The following KCNK2 variants were observed in gnomAD, a reference collection of about 807,000 sequenced individuals.
KCNK2 encodes potassium channel subfamily K member 2.
KCNK2 carries 21 observed loss-of-function variants against 40.5 expected under a neutral mutation model. The ratio of observed to expected loss-of-function variants is 0.52; its 90% CI spans 0.37 to 0.75. The LOEUF is 0.75. KCNK2 is among the 30% of genes least tolerant of loss of function. The pLI is 0.00. For missense variants in KCNK2, 399 were observed against 531.6 expected, an observed-to-expected ratio of 0.75 and a Z score of 2.45; for synonymous variants, 191 against 202.2, an observed-to-expected ratio of 0.94 and a Z score of 0.47.
chr1:215,192,518 A>G (rs1256234680), intron 5 of KCNK2, among the ~76,000 whole-genome samples: 1 of 152,214 alleles, frequency 6.6e-6, no homozygotes. Flanking sequence ...CATCTTGGTG[A>G]ACTTATGTGT....
chr1:215,227,232 G>A (rs1666420016), intron 6 of KCNK2, among the ~76,000 whole-genome samples: 1 of 152,150 alleles, frequency 6.6e-6, no homozygotes, highest in African/African-American at 2.4e-5. Context: ...AAGTTGTGTT[G>A]AGCAGTAATG....
chr1:215,218,247 C>T (rs1276687524), intron 6 of KCNK2, among the ~76,000 whole-genome samples: 2 of 152,124 alleles, frequency 1.3e-5, no homozygotes, highest in Admixed American at 6.6e-5. Context: ...GGATATTGAC[C>T]TACAGCAAAG....
intron 1 of KCNK2, among the ~76,000 whole-genome samples, chr1:215,020,446 C>G (rs1161087256): frequency 6.6e-6 from 1 of 152,074 alleles, no homozygotes; most frequent in Non-Finnish European, 1.5e-5. Flanking sequence ...TATTTTTTGA[C>G]ACAGGGTCTG....
upstream of KCNK2, chr1:215,081,797 T>G (rs1659165828): frequency 6.6e-6 from 1 of 152,082 alleles, no homozygotes; most frequent in Non-Finnish European, 1.5e-5. Flanking sequence ...TCACGTGTGT[T>G]GTTAGAGAAT....
At chr1:215,202,925 T>TATC (rs1665139437) in intron 6 of KCNK2, among the ~76,000 whole-genome samples, 1 of 152,134 alleles carries the variant, frequency 6.6e-6, no homozygotes, top group African/African-American at 2.4e-5. Context: ...CAATGTTTCT[T>TATC]ATCTGTTGTT....
Position 215,124,435 on chromosome 1 carries a change from A to T in KCNK2, c.358-198A>T, listed in dbSNP as rs372924517. 5.3e-5 allele frequency among the ~76,000 whole-genome samples: 8 copies of T among 152,070 alleles called. No individual in the cohort carries two copies. The South Asian group carries it at 1.7e-3, about 31-fold the overall frequency. On this transcript the variant is annotated intron_variant, in intron 2 of 6. Transcript: ENST00000444842. ...TGCCAATCAATTCACTTGATATCAC[A>T]TGTCAGTTTCTTATAACTTAACTGT...
intron 6 of KCNK2, among the ~76,000 whole-genome samples, chr1:215,208,663 A>T (rs911526426): frequency 6.6e-6 from 1 of 152,142 alleles, no homozygotes; most frequent in African/African-American, 2.4e-5. Context: ...ATATTGCCCT[A>T]AAGCTAGGTA....
chr1:215,230,468 GAT>G lies in KCNK2; in HGVS notation c.964-4350_964-4349del, dbSNP rs373897689. On this transcript the variant is annotated intron_variant, in intron 6 of 6. Transcript: ENST00000444842. ...AAAAATCGTGTAGCTCATGGCTGTA[GAT>G]ATATATATACACACACACACACACA... Among the ~76,000 whole-genome samples the G allele has an allele frequency of 4.7e-3, 549 of 117,446 alleles. 11 individuals are homozygous for G. The South Asian group carries it at 0.048, about 10-fold the overall frequency. The allele number at this position is 117,446 out of a possible 152,430, so 77.0% of individuals were successfully genotyped here.
intron 1 of KCNK2, among the ~76,000 whole-genome samples, chr1:215,066,472 A>AG: frequency 6.6e-6 from 1 of 151,896 alleles, no homozygotes; most frequent in East Asian, 1.9e-4. Flanking sequence ...TAGACTGCTA[A>AG]AAAAAATTAA....
At chr1:215,030,812 G>T (rs959677339) in intron 1 of KCNK2, among the ~76,000 whole-genome samples, 8 of 151,446 alleles carry the variant, frequency 5.3e-5, no homozygotes, top group Non-Finnish European at 8.8e-5. Context: ...CTCCCAAAGT[G>T]CTGGGGATTA....
chr1:215,214,284 C>T (rs796618135), intron 6 of KCNK2, among the ~76,000 whole-genome samples: 6 of 152,168 alleles, frequency 3.9e-5, no homozygotes, highest in African/African-American at 9.6e-5. Context: ...AGAGAGAGTG[C>T]GGGAAGAGCT....
chr1:215,205,911 C>T (rs1177287090), intron 6 of KCNK2, among the ~76,000 whole-genome samples: 1 of 151,976 alleles, frequency 6.6e-6, no homozygotes, highest in Non-Finnish European at 1.5e-5. Flanking sequence ...CTTTATGTGC[C>T]ACATTCATAT....
intron 6 of KCNK2, among the ~76,000 whole-genome samples, chr1:215,218,185 G>T (rs1042544953): frequency 1.3e-5 from 2 of 152,144 alleles, no homozygotes; most frequent in African/African-American, 2.4e-5. Context: ...AAAACAGCTG[G>T]AATGATTAGA....
intron 2 of KCNK2, among the ~76,000 whole-genome samples, chr1:215,098,920 C>G (rs1371913254): frequency 6.6e-6 from 1 of 151,898 alleles, no homozygotes; most frequent in African/African-American, 2.4e-5. Context: ...ATATTATTCT[C>G]TATGTGATTT....
chr1:215,100,281 G>C (rs1660153496), intron 2 of KCNK2, among the ~76,000 whole-genome samples: 1 of 151,952 alleles, frequency 6.6e-6, no homozygotes, highest in Non-Finnish European at 1.5e-5. Context: ...AGATTTCCAA[G>C]CAGGGCAGCC....
At chr1:215,139,423 A>C (rs1215961957) in intron 3 of KCNK2, among the ~76,000 whole-genome samples, 2 of 152,220 alleles carry the variant, frequency 1.3e-5, no homozygotes, top group African/African-American at 4.8e-5. Flanking sequence ...CCTTTTAGGC[A>C]TAGGTCATAA....
At chr1:215,142,479 G>C (rs1662227301) in intron 3 of KCNK2, among the ~76,000 whole-genome samples, 1 of 152,056 alleles carries the variant, frequency 6.6e-6, no homozygotes, top group African/African-American at 2.4e-5. Context: ...ATAGCTTTGG[G>C]GAAAACTGAA....
chr1:215,233,125 A>C (rs1486992717), intron 6 of KCNK2, among the ~76,000 whole-genome samples: 2 of 152,104 alleles, frequency 1.3e-5, no homozygotes, highest in African/African-American at 4.8e-5. Context: ...CTCCAGGATA[A>C]ATTCCTGTAG....
At chr1:215,088,932 T>A (rs190408089) in intron 2 of KCNK2, among the ~76,000 whole-genome samples, 6 of 152,368 alleles carry the variant, frequency 3.9e-5, no homozygotes, top group Admixed American at 3.3e-4. Context: ...TTTTATTTAC[T>A]CTTACACTGT....
Sources: gnomAD v4.1 joint callset for allele counts (sites outside exome capture counted in the v4.1 genomes callset) on GRCh38, gnomAD v4.1.1 for gene constraint, MANE v1.5 for transcripts, NCBI Gene and HGNC (gene_info 2026-07-23, HGNC 2026-07-21) for gene names.